Variants in UGT1A8 observed in about 807,000 individuals in gnomAD.
UGT1A8 encodes the protein UDP glucuronosyltransferase family 1 member A8, also known as UDP-glucuronosyltransferase 1A8.
A neutral mutation model predicts 45.3 loss-of-function variants in UGT1A8; 39 were observed. The ratio of observed to expected loss-of-function variants is 0.86; its 90% CI spans 0.67 to 1.12. The LOEUF (loss-of-function observed/expected upper bound fraction) is 1.12. UGT1A8 is among the 50% of genes most tolerant of loss of function. UGT1A8 has a pLI of 0.00. For synonymous variants in UGT1A8, 275 were observed against 249.2 expected, an observed-to-expected ratio of 1.10 and a Z score of -0.97; for missense variants, 719 against 664.9, an observed-to-expected ratio of 1.08 and a Z score of -0.90.
intron 1 of UGT1A8, among the ~76,000 whole-genome samples, chr2:233,739,350 G>A (rs1691066306): frequency 6.6e-6 from 1 of 152,146 alleles, no homozygotes; most frequent in South Asian, 2.1e-4. Flanking sequence ...ACCCAGAAGG[G>A]CAGATCCAAT....
chr2:233,760,116 A>G lies in UGT1A8; in HGVS notation c.856-6918A>G. 2.4e-6 allele frequency: 3 copies of G among 1,260,492 alleles called. No homozygotes were observed. In the South Asian group the frequency reaches 4.7e-5, roughly 20 times the overall value. The allele number at this position is 1,260,492 out of a possible 1,614,324, so 78.1% of individuals were successfully genotyped here. ...GTTGTTGCCTATTAAGAAACCTAATAAAGCTCCACCTTCTTTATCTCTGAA... is the reference window on the plus strand; with the variant it reads ...GTTGTTGCCTATTAAGAAACCTAATGAAGCTCCACCTTCTTTATCTCTGAA... On this transcript the variant is annotated intron_variant, in intron 1 of 4. Transcript: ENST00000373450.
chr2:233,764,353 C>G (rs556692571), intron 1 of UGT1A8, among the ~76,000 whole-genome samples: 23 of 152,240 alleles, frequency 1.5e-4, no homozygotes, highest in Non-Finnish European at 2.8e-4. Flanking sequence ...CTTTATTGAG[C>G]CTCATAGTAG....
chr2:233,716,607 TGA>T (rs967387624), intron 1 of UGT1A8, among the ~76,000 whole-genome samples: 38 of 152,324 alleles, frequency 2.5e-4, no homozygotes, highest in South Asian at 6.2e-4. Flanking sequence ...TAGAATTTGA[TGA>T]GGTTTATTCT....
chr2:233,767,285 T>G, intron 2 of UGT1A8, 120 bp downstream of exon 2: 4 of 1,569,258 alleles, frequency 2.5e-6, no homozygotes, highest in Non-Finnish European at 3.4e-6. Flanking sequence ...CCCTGCCACT[T>G]CCCAACTATT....
At chr2:233,648,830 G>A in intron 1 of UGT1A8, 1 of 1,068,324 alleles carries the variant, frequency 9.4e-7, no homozygotes, top group South Asian at 1.2e-5. Context: ...CATTTATTTT[G>A]CCCATATTTT....
At chr2:233,670,115 A>T (rs530435071) in intron 1 of UGT1A8, among the ~76,000 whole-genome samples, 3 of 152,244 alleles carry the variant, frequency 2.0e-5, no homozygotes, top group Admixed American at 2.0e-4. Context: ...CTGTATTATC[A>T]TAATGAAGTC....
intron 3 of UGT1A8, 134 bp from the exon 4 acceptor site, chr2:233,768,086 A>C (rs1699559906): frequency 6.3e-7 from 1 of 1,591,310 alleles, no homozygotes; most frequent in Non-Finnish European, 8.6e-7. Context: ...ATCTCAACCC[A>C]CATTTTCTTC....
chr2:233,731,982 T>C (rs936253936), intron 1 of UGT1A8, among the ~76,000 whole-genome samples: 5 of 152,356 alleles, frequency 3.3e-5, no homozygotes, highest in Admixed American at 2.0e-4. Context: ...CCATTCTAAC[T>C]GGCGTGAGAT....
chr2:233,639,508 A>T (rs771588897), intron 1 of UGT1A8, among the ~76,000 whole-genome samples: 1 of 152,204 alleles, frequency 6.6e-6, no homozygotes, highest in Non-Finnish European at 1.5e-5. Context: ...AGTTGGTTAC[A>T]TCTTGCTGGG....
At chr2:233,628,162 A>G (rs2073124978) in intron 1 of UGT1A8, among the ~76,000 whole-genome samples, 1 of 152,086 alleles carries the variant, frequency 6.6e-6, no homozygotes, top group African/African-American at 2.4e-5. Context: ...GATGCAATGT[A>G]CACTTTGGAA....
At chr2:233,680,162 T>C (rs2074477219) in intron 1 of UGT1A8, among the ~76,000 whole-genome samples, 1 of 152,188 alleles carries the variant, frequency 6.6e-6, no homozygotes, top group African/African-American at 2.4e-5. Flanking sequence ...AATGTCATGA[T>C]TTTTCTTTGC....
At chr2:233,728,805 A>G (rs2077752028) in intron 1 of UGT1A8, among the ~76,000 whole-genome samples, 1 of 152,166 alleles carries the variant, frequency 6.6e-6, no homozygotes, top group Non-Finnish European at 1.5e-5. Context: ...GAAGTAGGAG[A>G]CAGTGACATG....
At chr2:233,667,266 A>G (rs988573619) in intron 1 of UGT1A8, among the ~76,000 whole-genome samples, 1 of 152,234 alleles carries the variant, frequency 6.6e-6, no homozygotes, top group Non-Finnish European at 1.5e-5. Flanking sequence ...AGTCCCACAA[A>G]AACAAGAAAT....
chr2:233,716,282 A>G (rs2076495752), intron 1 of UGT1A8, among the ~76,000 whole-genome samples: 1 of 152,186 alleles, frequency 6.6e-6, no homozygotes, highest in African/African-American at 2.4e-5. Context: ...AACCCTTAAT[A>G]TAATCACATC....
intron 1 of UGT1A8, among the ~76,000 whole-genome samples, chr2:233,723,682 C>CCTT: frequency 1.0e-5 from 1 of 95,480 alleles, no homozygotes; most frequent in African/African-American, 5.0e-5. Flanking sequence ...CTGCGGCCTT[C>CCTT]CGCAGTGTTT....
chr2:233,726,544 G>A (rs543814105), intron 1 of UGT1A8, among the ~76,000 whole-genome samples: 35 of 152,224 alleles, frequency 2.3e-4, no homozygotes, highest in Non-Finnish European at 4.0e-4. Flanking sequence ...GCAGTGCAGC[G>A]TCTTCAAGTC....
At chr2:233,632,321 A>AT (rs949211038) in intron 1 of UGT1A8, among the ~76,000 whole-genome samples, 16 of 152,110 alleles carry the variant, frequency 1.1e-4, no homozygotes, top group African/African-American at 3.4e-4. Context: ...TATACAGGCT[A>AT]TTTTTTAGCT....
chr2:233,757,975 AG>A (rs1275184498), intron 1 of UGT1A8, among the ~76,000 whole-genome samples: 1 of 152,126 alleles, frequency 6.6e-6, no homozygotes, highest in Non-Finnish European at 1.5e-5. Flanking sequence ...CTCAGCCCCT[AG>A]AGCACCATCC....
At chr2:233,748,399 G>C (rs1575689614) in intron 1 of UGT1A8, among the ~76,000 whole-genome samples, 1 of 151,790 alleles carries the variant, frequency 6.6e-6, no homozygotes, top group African/African-American at 2.4e-5. Flanking sequence ...AAGGAGCAGG[G>C]ACACTACATT....
Sources: gnomAD v4.1 joint callset for allele counts (sites outside exome capture counted in the v4.1 genomes callset) on GRCh38, gnomAD v4.1.1 for gene constraint, MANE v1.5 for transcripts, NCBI Gene and HGNC (gene_info 2026-07-23, HGNC 2026-07-21) for gene names.